Variants in CTNNA3 observed in about 807,000 individuals in gnomAD.
The protein encoded by CTNNA3 is catenin alpha 3.
Under a neutral mutation model 95.7 loss-of-function variants are expected in CTNNA3, and 76 were observed. The observed-to-expected ratio is 0.79, with a 90% CI of 0.66 to 0.96. CTNNA3 has a LOEUF of 0.96. Among genes scored for constraint, CTNNA3 ranks in the 40% least tolerant of loss-of-function variants. The probability of loss-of-function intolerance (pLI) is 0.00; values close to 1 mark genes in which losing one functional copy is unlikely to be tolerated. For synonymous variants in CTNNA3, 431 were observed against 374.4 expected, an observed-to-expected ratio of 1.15 and a Z score of -1.74; for missense variants, 1,191 against 1,089.8, an observed-to-expected ratio of 1.09 and a Z score of -1.31.
At chr10:66,662,420 C>T (rs765846772) in intron 9 of CTNNA3, among the ~76,000 whole-genome samples, 5 of 152,176 alleles carry the variant, frequency 3.3e-5, no homozygotes, top group African/African-American at 4.8e-5. Context: ...AGATGACCAT[C>T]TCCTAACTTT....
At chr10:67,715,474 G>A (rs1456935537) in intron 1 of CTNNA3, among the ~76,000 whole-genome samples, 1 of 152,004 alleles carries the variant, frequency 6.6e-6, no homozygotes, top group Non-Finnish European at 1.5e-5. Context: ...TAATCAAAAT[G>A]GCTTGGCACA....
At chr10:65,934,379 C>G (rs2133155268) in intron 17 of CTNNA3, among the ~76,000 whole-genome samples, 1 of 152,214 alleles carries the variant, frequency 6.6e-6, no homozygotes, top group Middle Eastern at 3.4e-3. Flanking sequence ...GCAGACTCTC[C>G]TTGCTCTGGA....
At chr10:66,912,498 T>C (rs1274502889) in intron 7 of CTNNA3, among the ~76,000 whole-genome samples, 2 of 152,116 alleles carry the variant, frequency 1.3e-5, no homozygotes, top group Non-Finnish European at 2.9e-5. Flanking sequence ...TCAGGAAAAT[T>C]AAACACCTGT....
intron 10 of CTNNA3, among the ~76,000 whole-genome samples, chr10:66,571,623 T>C (rs1023905552): frequency 2.0e-5 from 3 of 152,202 alleles, no homozygotes; most frequent in African/African-American, 7.2e-5. Flanking sequence ...AGTATACATA[T>C]GGCAGACTAA....
intron 10 of CTNNA3, among the ~76,000 whole-genome samples, chr10:66,607,785 G>C (rs1047934253): frequency 6.6e-6 from 1 of 152,090 alleles, no homozygotes; most frequent in Non-Finnish European, 1.5e-5. Context: ...ACTAGGTATT[G>C]AGAAAACATA....
chr10:67,497,491 C>T (rs1301837963), intron 5 of CTNNA3, among the ~76,000 whole-genome samples: 1 of 152,118 alleles, frequency 6.6e-6, no homozygotes, highest in African/African-American at 2.4e-5. Context: ...GGTTCTACAT[C>T]CTTGAGGAAT....
chr10:67,522,656 T>A (rs1341777484), intron 4 of CTNNA3, among the ~76,000 whole-genome samples: 2 of 151,274 alleles, frequency 1.3e-5, no homozygotes, highest in African/African-American at 4.9e-5. Context: ...ATCAGAATGC[T>A]CCTATTCTTT....
chr10:66,718,251 C>A (rs952681397), intron 9 of CTNNA3, among the ~76,000 whole-genome samples: 1 of 151,742 alleles, frequency 6.6e-6, no homozygotes. Flanking sequence ...GCCTTATTGT[C>A]CTATTTTACT....
intron 7 of CTNNA3, among the ~76,000 whole-genome samples, chr10:66,818,094 C>CAA (rs5785790): frequency 3.5e-5 from 5 of 144,044 alleles, no homozygotes; most frequent in African/African-American, 1.3e-4. Context: ...TATTATTAAC[C>CAA]AAAAAAAAAA....
At chr10:67,016,429 C>T (rs1391842089) in intron 7 of CTNNA3, among the ~76,000 whole-genome samples, 2 of 152,150 alleles carry the variant, frequency 1.3e-5, no homozygotes, top group Non-Finnish European at 2.9e-5. Flanking sequence ...AGTTTCCCTA[C>T]AGCAGTGTAC....
At chr10:67,088,771 C>G (rs1314499233) in intron 7 of CTNNA3, among the ~76,000 whole-genome samples, 1 of 151,946 alleles carries the variant, frequency 6.6e-6, no homozygotes, top group Admixed American at 6.6e-5. Context: ...TATTTTGTCT[C>G]TCATTATTCT....
chr10:66,906,751 T>G (rs1846004764), intron 7 of CTNNA3, among the ~76,000 whole-genome samples: 1 of 152,078 alleles, frequency 6.6e-6, no homozygotes, highest in Non-Finnish European at 1.5e-5. Flanking sequence ...AATGATAGCA[T>G]TATAGCATTT....
intron 1 of CTNNA3, among the ~76,000 whole-genome samples, chr10:67,732,886 GCACACA>G (rs35778813): frequency 9.7e-6 from 1 of 103,610 alleles, no homozygotes; most frequent in Admixed American, 8.6e-5. Context: ...TCTCACTCAC[GCACACA>G]CACACACACA....
intron 11 of CTNNA3, among the ~76,000 whole-genome samples, chr10:66,461,959 C>T (rs553190498): frequency 4.6e-5 from 7 of 151,460 alleles, no homozygotes; most frequent in East Asian, 3.9e-4. Flanking sequence ...ATTACAGGTG[C>T]GTGCCACCAC....
intron 9 of CTNNA3, among the ~76,000 whole-genome samples, chr10:66,733,915 T>C (rs974659205): frequency 2.6e-4 from 40 of 151,780 alleles, no homozygotes; most frequent in African/African-American, 9.2e-4. Context: ...GCTGTACATA[T>C]TAAAAATATG....
chr10:67,030,370 T>G (rs1395725831), intron 7 of CTNNA3, among the ~76,000 whole-genome samples: 5 of 152,176 alleles, frequency 3.3e-5, no homozygotes, highest in African/African-American at 1.2e-4. Context: ...CCCTCTTAAT[T>G]ATAAAATTAA....
intron 5 of CTNNA3, among the ~76,000 whole-genome samples, chr10:67,241,771 T>C (rs184930893): frequency 1.3e-5 from 2 of 152,364 alleles, no homozygotes; most frequent in African/African-American, 4.8e-5. Flanking sequence ...TAAAAAGCGG[T>C]ATCCCTTGTT....
At chr10:66,059,314 A>G (rs779415060) in intron 15 of CTNNA3, among the ~76,000 whole-genome samples, 5 of 152,110 alleles carry the variant, frequency 3.3e-5, no homozygotes, top group African/African-American at 1.2e-4. Context: ...TAAAATTAAA[A>G]TGAAGACAGC....
At position 66,604,766 on chromosome 10, in the gene CTNNA3, G is replaced by A. The variant is rs142466772; in HGVS notation, c.1374+16926C>T. ...ACTTCATAGCATAATCAAACCCTCA[G>A]GGTCATCAAATAGGATAAAAGCAAA... On this transcript the variant is annotated intron_variant, in intron 10 of 17. Coordinates refer to ENST00000433211, the MANE Select transcript of CTNNA3 (RefSeq NM_013266.4). 5.8e-3 allele frequency among the ~76,000 whole-genome samples: 845 copies of A among 145,494 alleles called. 8 individuals carry two copies. The highest frequency in any genetic ancestry group is 0.021 in the African/African-American group (814 of 38,430).
Sources: gnomAD v4.1 joint callset for allele counts (sites outside exome capture counted in the v4.1 genomes callset) on GRCh38, gnomAD v4.1.1 for gene constraint, MANE v1.5 for transcripts, NCBI Gene and HGNC (gene_info 2026-07-23, HGNC 2026-07-21) for gene names.